NHS: variants seen among roughly 807,000 people sequenced by gnomAD.
NHS encodes actin remodeling regulator NHS.
NHS carries 5 observed loss-of-function variants against 72.5 expected under a neutral mutation model. The ratio of observed to expected loss-of-function variants is 0.07; its 90% CI spans 0.04 to 0.14. The LOEUF is 0.14. NHS is among the 10% of genes least tolerant of loss of function. The pLI, the probability that NHS is intolerant of heterozygous loss-of-function variation, is 1.00. For missense variants in NHS, 1,072 were observed against 1,355.7 expected (o/e 0.79, Z 3.29); for synonymous variants, 464 against 547.7 (o/e 0.85, Z 2.13).
chrX:17,695,252 G>T (rs910504907), intron 3 of NHS, among the ~76,000 whole-genome samples: 1 of 111,995 alleles, frequency 8.9e-6, no homozygotes, highest in Non-Finnish European at 1.9e-5. Flanking sequence ...ATCAGTGTAT[G>T]CAAAGATTTA....
chrX:17,573,959 T>A (rs1260382043), intron 1 of NHS, among the ~76,000 whole-genome samples: 4 of 111,636 alleles, frequency 3.6e-5, no homozygotes, highest in Non-Finnish European at 7.5e-5. Context: ...TCTGTTGGAG[T>A]TGGCTGGAGG....
In NHS at chrX:17,732,336, G is replaced by C. The variant is rs1315375496; in HGVS notation, c.4828G>C (p.Ala1610Pro). 1 of 1,212,396 alleles carries C rather than the reference G, an allele frequency of 8.2e-7. No individual in the cohort carries two copies. The highest frequency in any genetic ancestry group is 1.8e-5 in the South Asian group (1 of 57,064). ...RVGRSRAPPA[A>P]SSSRYSVRCR... ...TGGACGTTCTCGGGCCCCTCCTGCA[G>C]CCAGCAGCAGCCGCTACAGTGTCCG... The change falls in exon 9 of 9, where the codon GCC (alanine) becomes CCC (proline). Residue 1610 changes from alanine (A) to proline (P), a missense_variant. Transcript: ENST00000676302.
chrX:17,690,863 C>T (rs1235913489), intron 2 of NHS, among the ~76,000 whole-genome samples: 1 of 112,042 alleles, frequency 8.9e-6, no homozygotes, highest in Non-Finnish European at 1.9e-5. Context: ...TTATGTGATG[C>T]TATCATTTAT....
chrX:17,669,666 C>A (rs936926143), intron 1 of NHS, among the ~76,000 whole-genome samples: 8 of 111,688 alleles, frequency 7.2e-5, no homozygotes, highest in South Asian at 3.8e-4. Flanking sequence ...GTGAACGGGA[C>A]AAAGGAAGGA....
intron 3 of NHS, among the ~76,000 whole-genome samples, chrX:17,713,114 T>TA (rs1398219609): frequency 9.0e-6 from 1 of 111,152 alleles, no homozygotes; most frequent in African/African-American, 3.3e-5. Context: ...CTCAAGGGAA[T>TA]AAAAAAGTAC....
At chrX:17,688,662 C>T (rs2066178263) in intron 2 of NHS, among the ~76,000 whole-genome samples, 1 of 111,634 alleles carries the variant, frequency 9.0e-6, no homozygotes, top group African/African-American at 3.3e-5. Context: ...GTACCAGGAC[C>T]CAACCTAAGC....
At chrX:17,622,033 T>C (rs761140276) in intron 1 of NHS, among the ~76,000 whole-genome samples, 1 of 112,177 alleles carries the variant, frequency 8.9e-6, no homozygotes, top group South Asian at 3.7e-4. Flanking sequence ...TTTGTTTGTG[T>C]GTGCAAGGCC....
At chrX:17,639,738 TTAAATTGGA>T (rs1467359051) in intron 1 of NHS, among the ~76,000 whole-genome samples, 1 of 112,345 alleles carries the variant, frequency 8.9e-6, no homozygotes, top group Non-Finnish European at 1.9e-5. Flanking sequence ...CTTAATACTG[TTAAATTGGA>T]GATTATGTTT....
chrX:17,421,867 G>A (rs916473430), intron 1 of NHS, among the ~76,000 whole-genome samples: 4 of 112,072 alleles, frequency 3.6e-5, no homozygotes, highest in East Asian at 2.8e-4. Context: ...GTGAGCCACC[G>A]CGCCCGGCCT....
intron 1 of NHS, among the ~76,000 whole-genome samples, chrX:17,429,789 A>C (rs967102761): frequency 9.0e-6 from 1 of 110,902 alleles, no homozygotes; most frequent in Non-Finnish European, 1.9e-5. Context: ...ATAATTATAT[A>C]ATGGCCTTCC....
Position 17,375,718 on chromosome X carries a change from G to A in NHS, c.-40G>A. 1 of 1,149,347 alleles carries A rather than the reference G, an allele frequency of 8.7e-7. No individual in the cohort carries two copies. Among genetic ancestry groups the A allele is most frequent in the Non-Finnish European group, 1.2e-6 (1 of 868,730 alleles). The allele number at this position is 1,149,347 out of a possible 1,213,427, so 94.7% of individuals were successfully genotyped here. On this transcript the variant is annotated 5_prime_UTR_variant, in exon 1 of 9. Transcript: ENST00000676302. ...CGCCCGGTCTCCAGCTCACAGGGGC[G>A]CTTGGAGGAGACCAGAAAGTCGCCG...
At chrX:17,673,004 TTGTC>T (rs1313994401) in intron 1 of NHS, among the ~76,000 whole-genome samples, 116 of 110,324 alleles carry the variant, frequency 1.1e-3, no homozygotes, top group African/African-American at 3.4e-3. Flanking sequence ...TGAGTAGAAT[TTGTC>T]TGGGAGGAGA....
intron 1 of NHS, among the ~76,000 whole-genome samples, chrX:17,681,602 C>T (rs2066128851): frequency 9.0e-6 from 1 of 111,726 alleles, no homozygotes; most frequent in Non-Finnish European, 1.9e-5. Flanking sequence ...AGATGGGGAA[C>T]TTGAATCCAG....
At chrX:17,587,592 G>C (rs1316510225) in intron 1 of NHS, among the ~76,000 whole-genome samples, 1 of 112,348 alleles carries the variant, frequency 8.9e-6, no homozygotes, top group Non-Finnish European at 1.9e-5. Context: ...TGAGTCCTGT[G>C]GTGCACTCAG....
intron 1 of NHS, among the ~76,000 whole-genome samples, chrX:17,516,773 G>GCACA (rs201829012): frequency 1.2e-4 from 12 of 100,572 alleles, no homozygotes; most frequent in African/African-American, 1.1e-4. Flanking sequence ...AATTCAAATG[G>GCACA]CACACACACA....
At chrX:17,520,532 T>A (rs2065143185) in intron 1 of NHS, among the ~76,000 whole-genome samples, 1 of 111,916 alleles carries the variant, frequency 8.9e-6, no homozygotes, top group South Asian at 3.8e-4. Context: ...GACATCCAGC[T>A]GGGTTAACAT....
rs369982230 is a variant in NHS at position 17,538,214 on chromosome X, C to T, written c.566-149528C>T. On this transcript the variant is annotated intron_variant, in intron 1 of 8. Transcript: ENST00000676302. ...CTGGACTCATATAGTCTCACACCCT[C>T]ATTTTCAGGTGCGGGAGCTGAGACC... is the stretch of plus-strand genomic sequence containing the variant. Among the ~76,000 whole-genome samples the T allele has an allele frequency of 3.6e-5, 4 of 112,334 alleles. No individual in the cohort carries two copies. The East Asian group carries it at 8.4e-4, about 24-fold the overall frequency.
chrX:17,575,130 T>C (rs372199170), intron 1 of NHS, among the ~76,000 whole-genome samples: 2 of 112,749 alleles, frequency 1.8e-5, no homozygotes, highest in South Asian at 3.7e-4. Context: ...CTACGTCCAC[T>C]AGTGTTTGCT....
chrX:17,533,209 C>T (rs974041515), intron 1 of NHS, among the ~76,000 whole-genome samples: 9 of 112,294 alleles, frequency 8.0e-5, no homozygotes, highest in East Asian at 5.6e-4. Flanking sequence ...TATATGGAAT[C>T]GTCTCCAGTG....
Sources: gnomAD v4.1 joint callset for allele counts (sites outside exome capture counted in the v4.1 genomes callset) on GRCh38, gnomAD v4.1.1 for gene constraint, MANE v1.5 for transcripts, NCBI Gene and HGNC (gene_info 2026-07-23, HGNC 2026-07-21) for gene names.